The following THSD7A variants were observed in gnomAD, a reference collection of about 807,000 sequenced individuals.
The protein encoded by THSD7A is thrombospondin type 1 domain containing 7A.
THSD7A carries 96 observed loss-of-function variants against 231.3 expected under a neutral mutation model. The ratio of observed to expected loss-of-function variants is 0.41; its 90% CI spans 0.35 to 0.49. THSD7A has a LOEUF of 0.49. Among genes scored for constraint, THSD7A ranks in the 20% least tolerant of loss-of-function variants. The pLI, the probability that THSD7A is intolerant of heterozygous loss-of-function variation, is 0.05. For missense variants in THSD7A, 2,290 were observed against 2,070.2 expected (o/e 1.11, Z -2.06); for synonymous variants, 940 against 743.3 (o/e 1.26, Z -4.30).
chr7:11,793,436 T>G (rs1463252762), intron 1 of THSD7A, among the ~76,000 whole-genome samples: 1 of 151,744 alleles, frequency 6.6e-6, no homozygotes, highest in Non-Finnish European at 1.5e-5. Context: ...GAAATAACAT[T>G]TAGACCTTAA....
At chr7:11,603,075 T>G (rs982042907) in intron 2 of THSD7A, among the ~76,000 whole-genome samples, 110 of 150,366 alleles carry the variant, frequency 7.3e-4, no homozygotes, top group African/African-American at 2.6e-3. Context: ...GAAACTACCA[T>G]CAGAGTGAAC....
intron 6 of THSD7A, among the ~76,000 whole-genome samples, chr7:11,502,484 T>C (rs1202317572): frequency 1.3e-5 from 2 of 152,134 alleles, no homozygotes; most frequent in Non-Finnish European, 2.9e-5. Flanking sequence ...GTTCAACATA[T>C]GCAAATCAAT....
chr7:11,615,911 T>G (rs559783130), intron 2 of THSD7A, among the ~76,000 whole-genome samples: 1 of 152,206 alleles, frequency 6.6e-6, no homozygotes, highest in Non-Finnish European at 1.5e-5. Context: ...TATTTATTTA[T>G]GTCTTCTATT....
intron 4 of THSD7A, among the ~76,000 whole-genome samples, chr7:11,549,961 A>C (rs977921879): frequency 3.3e-5 from 5 of 152,130 alleles, no homozygotes; most frequent in African/African-American, 1.2e-4. Flanking sequence ...ACTCCTATTC[A>C]AAATAGTACT....
At chr7:11,566,965 T>TAGCCGGGGGGGGGGGGG in intron 4 of THSD7A, among the ~76,000 whole-genome samples, 1 of 92,306 alleles carries the variant, frequency 1.1e-5, no homozygotes, top group Non-Finnish European at 2.1e-5. Flanking sequence ...TGTGGGAGAG[T>TAGCCGGGGGGGGGGGGG]GGGGGGGGGA....
At chr7:11,826,384 T>C (rs903110648) in intron 1 of THSD7A, among the ~76,000 whole-genome samples, 2 of 152,242 alleles carry the variant, frequency 1.3e-5, no homozygotes, top group African/African-American at 4.8e-5. Context: ...TGACAGAAGT[T>C]GATAAAAGTT....
intron 1 of THSD7A, among the ~76,000 whole-genome samples, chr7:11,678,092 C>T (rs941052569): frequency 6.6e-6 from 1 of 152,132 alleles, no homozygotes; most frequent in Non-Finnish European, 1.5e-5. Flanking sequence ...TCCTGAATGA[C>T]TACTGGGTAA....
Position 11,385,058 on chromosome 7 carries a change from T to C in THSD7A, c.4412-2442A>G, listed in dbSNP as rs560187813. On this transcript the variant is annotated intron_variant, in intron 23 of 27. Coordinates refer to ENST00000423059, the MANE Select transcript of THSD7A (RefSeq NM_015204.3). ...TGGTTGCATTTATTTTTTATAGTTT[T>C]AGTTTTATTGTCAATGCAGCTTTTT... The C allele has an allele frequency of 1.2e-4, 18 of 151,972 alleles. No individual in the cohort carries two copies. In the South Asian group the frequency reaches 3.7e-3, roughly 32 times the overall value. The allele number at this position is 151,972 out of a possible 1,614,324, so 9.4% of individuals were successfully genotyped here.
intron 6 of THSD7A, among the ~76,000 whole-genome samples, chr7:11,516,679 T>C (rs1380580909): frequency 6.6e-6 from 1 of 152,208 alleles, no homozygotes; most frequent in African/African-American, 2.4e-5. Context: ...AATATAAATC[T>C]CCATAAAACT....
At chr7:11,769,895 A>G (rs1205608423) in intron 1 of THSD7A, among the ~76,000 whole-genome samples, 4 of 152,202 alleles carry the variant, frequency 2.6e-5, no homozygotes, top group Non-Finnish European at 5.9e-5. Flanking sequence ...TGAAAATTAA[A>G]TAACGTAAAT....
chr7:11,500,387 C>A (rs1317860996), intron 6 of THSD7A, among the ~76,000 whole-genome samples: 1 of 152,132 alleles, frequency 6.6e-6, no homozygotes, highest in Admixed American at 6.5e-5. Context: ...ACCAGGGTTA[C>A]TATAAAGCAA....
intron 4 of THSD7A, among the ~76,000 whole-genome samples, chr7:11,561,199 C>A (rs1253334985): frequency 1.3e-5 from 2 of 152,032 alleles, no homozygotes; most frequent in Non-Finnish European, 2.9e-5. Context: ...TAATATATGT[C>A]TAGCTAAATA....
chr7:11,739,551 A>G (rs1214554300), intron 1 of THSD7A, among the ~76,000 whole-genome samples: 1 of 151,956 alleles, frequency 6.6e-6, no homozygotes, highest in Non-Finnish European at 1.5e-5. Flanking sequence ...ATTCTAAAAC[A>G]TCATCATCTC....
intron 1 of THSD7A, chr7:11,820,315 C>T (rs1462496799): frequency 2.9e-6 from 2 of 696,294 alleles, no homozygotes; most frequent in Non-Finnish European, 4.3e-6. Flanking sequence ...AAAGAGTGGA[C>T]CCTACTCGGT....
chr7:11,786,771 A>G (rs202066827), intron 1 of THSD7A, among the ~76,000 whole-genome samples: 7,314 of 148,260 alleles, frequency 0.049, 275 homozygotes, highest in East Asian at 0.11. Flanking sequence ...AAAAAAAAAA[A>G]AAAAAAAAAG....
chr7:11,607,361 T>C (rs1413864070), intron 2 of THSD7A, among the ~76,000 whole-genome samples: 1 of 152,126 alleles, frequency 6.6e-6, no homozygotes, highest in Admixed American at 6.6e-5. Context: ...ACTGCCGCCC[T>C]TGAATTACAT....
At chr7:11,558,121 C>G (rs570234892) in intron 4 of THSD7A, among the ~76,000 whole-genome samples, 2 of 152,220 alleles carry the variant, frequency 1.3e-5, no homozygotes, top group Non-Finnish European at 2.9e-5. Flanking sequence ...TAGCTCCAAC[C>G]TTGAGATGTG....
At chr7:11,482,528 A>G (rs4720990) in intron 6 of THSD7A, among the ~76,000 whole-genome samples, 57,964 of 152,158 alleles carry the variant, frequency 0.38, 11,420 homozygotes, top group South Asian at 0.47. Context: ...TAGACAGGAA[A>G]TGTAAATGAT....
At chr7:11,723,671 T>G (rs551833680) in intron 1 of THSD7A, among the ~76,000 whole-genome samples, 3 of 151,936 alleles carry the variant, frequency 2.0e-5, no homozygotes, top group Admixed American at 2.0e-4. Context: ...TGAATATATT[T>G]AGGAGATCAG....
Sources: allele counts gnomAD v4.1 joint callset (sites outside exome capture counted in the v4.1 genomes callset), GRCh38; gene constraint gnomAD v4.1.1; transcripts MANE v1.5; gene names NCBI Gene and HGNC (gene_info 2026-07-23, HGNC 2026-07-21).